NHLRC2: variants seen among roughly 807,000 people sequenced by gnomAD.
NHLRC2 encodes NHL repeat containing 2.
NHLRC2 carries 33 observed loss-of-function variants against 68.1 expected under a neutral mutation model. The observed-to-expected ratio is 0.48, with a 90% CI of 0.37 to 0.65. NHLRC2 has a LOEUF of 0.65. NHLRC2 is among the 30% of genes least tolerant of loss of function. NHLRC2 has a pLI of 0.00. For missense variants in NHLRC2, 761 were observed against 853.8 expected (o/e 0.89, Z 1.35); for synonymous variants, 311 against 309.6 (o/e 1.00, Z -0.05).
chr10:113,876,435 A>T, intron 2 of NHLRC2, 86 bp from the exon 3 acceptor site: 3 of 741,796 alleles, frequency 4.0e-6, no homozygotes, highest in Non-Finnish European at 6.3e-6. Flanking sequence ...GACTTTTAAT[A>T]TTTGTGATCC....
At chr10:113,886,942 GGTT>G (rs1438250497) in intron 5 of NHLRC2, among the ~76,000 whole-genome samples, 1 of 152,092 alleles carries the variant, frequency 6.6e-6, no homozygotes, top group Non-Finnish European at 1.5e-5. Flanking sequence ...ACAACCTATG[GGTT>G]GGGAGAAAAT....
At position 113,915,464 on chromosome 10, in the gene NHLRC2, TC is replaced by T. The variant is rs1198338307; in HGVS notation, c.*6930del. 2.9e-6 allele frequency: 1 copy of T among 347,282 alleles called. No individual in the cohort carries two copies. The highest frequency in any genetic ancestry group is 5.6e-6 in the Non-Finnish European group (1 of 177,436). 21.5% of individuals were successfully genotyped at this position (347,282 alleles called of 1,614,324 possible). A position where few individuals can be genotyped will look rare whatever the true frequency, so the allele number is the denominator to read the frequency against. On this transcript the variant is annotated 3_prime_UTR_variant, in exon 11 of 11. Coordinates refer to ENST00000369301, the MANE Select transcript of NHLRC2 (RefSeq NM_198514.4). ...CAGTTATTTTTTAATGTTGAAAACT[TC>T]CAAGTGTGAATAATACGGACATAGT...
intron 2 of NHLRC2, among the ~76,000 whole-genome samples, chr10:113,859,678 G>A (rs1433013744): frequency 6.6e-6 from 1 of 152,132 alleles, no homozygotes; most frequent in Admixed American, 6.5e-5. Flanking sequence ...TTATCTCCTA[G>A]GTTTTAGATG....
At chr10:113,867,737 T>C (rs1845882180) in intron 2 of NHLRC2, among the ~76,000 whole-genome samples, 1 of 151,868 alleles carries the variant, frequency 6.6e-6, no homozygotes, top group South Asian at 2.1e-4. Context: ...CCATTACAGG[T>C]TTTTGTTTTT....
intron 9 of NHLRC2, among the ~76,000 whole-genome samples, chr10:113,904,445 C>T (rs905735757): frequency 2.0e-5 from 3 of 152,026 alleles, no homozygotes; most frequent in Admixed American, 1.3e-4. Flanking sequence ...TTTCTCTTCA[C>T]GTAGATCTCT....
chr10:113,893,361 AATG>A (rs1210990431), intron 5 of NHLRC2, among the ~76,000 whole-genome samples: 2 of 152,194 alleles, frequency 1.3e-5, no homozygotes, highest in Non-Finnish European at 2.9e-5. Context: ...CAGATTCACT[AATG>A]AAGTCGTTTT....
chr10:113,876,039 A>G (rs762643697), intron 2 of NHLRC2, among the ~76,000 whole-genome samples: 24 of 151,894 alleles, frequency 1.6e-4, no homozygotes, highest in Non-Finnish European at 2.9e-4. Context: ...TTTTAAATAA[A>G]TCAAAAGCCT....
At chr10:113,888,512 G>A (rs11196538) in intron 5 of NHLRC2, among the ~76,000 whole-genome samples, 2 of 152,152 alleles carry the variant, frequency 1.3e-5, no homozygotes, top group African/African-American at 4.8e-5. Context: ...TCTACATGTA[G>A]TATGTAAATG....
At chr10:113,904,713 T>C (rs941499546) in intron 9 of NHLRC2, 104 bp from the exon 10 acceptor site, 1 of 817,126 alleles carries the variant, frequency 1.2e-6, no homozygotes, top group East Asian at 2.7e-5. Context: ...ATTAGTTTCA[T>C]TGACATAGAA....
chr10:113,866,925 T>C (rs1845872972), intron 2 of NHLRC2, among the ~76,000 whole-genome samples: 1 of 152,106 alleles, frequency 6.6e-6, no homozygotes, highest in African/African-American at 2.4e-5. Flanking sequence ...TAGAGTCTTC[T>C]TTCAGTGGAG....
chr10:113,857,506 T>A (rs1470833310), intron 1 of NHLRC2, among the ~76,000 whole-genome samples: 2 of 152,188 alleles, frequency 1.3e-5, no homozygotes, highest in African/African-American at 4.8e-5. Context: ...TTGTTGTTAA[T>A]CATTAGCTGT....
Position 113,912,729 on chromosome 10 carries a change from A to G in NHLRC2, c.*4193A>G, listed in dbSNP as rs1846340996. The G allele has an allele frequency of 6.6e-6, 1 of 152,260 alleles. No individual in the cohort carries two copies. Among genetic ancestry groups the G allele is most frequent in the South Asian group, 2.1e-4 (1 of 4,830 alleles). The allele number at this position is 152,260 out of a possible 1,614,324, so 9.4% of individuals were successfully genotyped here. On this transcript the variant is annotated 3_prime_UTR_variant, in exon 11 of 11. Coordinates refer to ENST00000369301, the MANE Select transcript of NHLRC2 (RefSeq NM_198514.4). ...ATCGGGCAGGTAGATGTTAGTTTAC[A>G]GAGGAGGAGACAGCTTTGGAATAGT...
At position 113,857,159 on chromosome 10, in the gene NHLRC2, T is replaced by A. The variant is rs367880043; in HGVS notation, c.179-1369T>A. 1.4e-4 allele frequency among the ~76,000 whole-genome samples: 21 copies of A among 152,262 alleles called. No homozygotes were observed. The East Asian group carries it at 3.9e-3, about 28-fold the overall frequency. On this transcript the variant is annotated intron_variant, in intron 1 of 10. Coordinates refer to ENST00000369301, the MANE Select transcript of NHLRC2 (RefSeq NM_198514.4). ...CATTGTAATTATTGTTATTGTAAAA[T>A]AAATTTTATTAAGCCTGGTAAGTAT...
intron 5 of NHLRC2, among the ~76,000 whole-genome samples, chr10:113,896,952 C>T (rs887391520): frequency 1.3e-4 from 20 of 151,300 alleles, no homozygotes; most frequent in Non-Finnish European, 4.4e-5. Context: ...CGAGATTGCT[C>T]CACTGCACTC....
intron 2 of NHLRC2, among the ~76,000 whole-genome samples, chr10:113,871,532 C>T (rs1006681638): frequency 1.6e-4 from 25 of 152,150 alleles, no homozygotes; most frequent in African/African-American, 4.3e-4. Flanking sequence ...TATTCTTTAT[C>T]GTATTGGAAG....
At position 113,916,202 on chromosome 10, in the gene NHLRC2, A is replaced by C. The variant is rs892366725; in HGVS notation, c.*7666A>C. 2 of 152,126 alleles carry C rather than the reference A, an allele frequency of 1.3e-5. No homozygotes were observed. The highest frequency in any genetic ancestry group is 4.8e-5 in the African/African-American group (2 of 41,416). The allele number at this position is 152,126 out of a possible 1,614,324, so 9.4% of individuals were successfully genotyped here. Reference sequence around the variant, plus strand: ...TATTACACTTTTCAAAATGCCAGCAAGTTTTTGTTTGTATAGAGTTGGAAT... The same window carrying C: ...TATTACACTTTTCAAAATGCCAGCACGTTTTTGTTTGTATAGAGTTGGAAT... On this transcript the variant is annotated 3_prime_UTR_variant, in exon 11 of 11. Transcript: ENST00000369301.
intron 6 of NHLRC2, among the ~76,000 whole-genome samples, chr10:113,899,735 G>T (rs917185986): frequency 6.6e-5 from 10 of 152,096 alleles, no homozygotes; most frequent in Admixed American, 5.9e-4. Context: ...ATGACAATAT[G>T]GTGAAACCCC....
At chr10:113,896,995 A>G (rs1005721956) in intron 5 of NHLRC2, among the ~76,000 whole-genome samples, 68 of 147,384 alleles carry the variant, frequency 4.6e-4, no homozygotes, top group Non-Finnish European at 9.3e-4. Context: ...CTCCGCCTCA[A>G]AAAAAAAAAA....
At chr10:113,893,325 T>G (rs1283476051) in intron 5 of NHLRC2, among the ~76,000 whole-genome samples, 2 of 152,216 alleles carry the variant, frequency 1.3e-5, no homozygotes, top group African/African-American at 4.8e-5. Flanking sequence ...TCCTTCATTC[T>G]CATCAGAACA....
Sources: gnomAD v4.1 joint callset for allele counts (sites outside exome capture counted in the v4.1 genomes callset) on GRCh38, gnomAD v4.1.1 for gene constraint, MANE v1.5 for transcripts, NCBI Gene and HGNC (gene_info 2026-07-23, HGNC 2026-07-21) for gene names.